Variants in ITSN1 observed in about 807,000 individuals in gnomAD.
ITSN1 encodes intersectin-1.
ITSN1 carries 58 observed loss-of-function variants against 239.8 expected under a neutral mutation model. The ratio of observed to expected loss-of-function variants is 0.24; its 90% CI spans 0.20 to 0.30. ITSN1 has a LOEUF of 0.30. ITSN1 is among the 10% of genes least tolerant of loss of function. The probability of loss-of-function intolerance (pLI) is 1.00; values close to 1 mark genes in which losing one functional copy is unlikely to be tolerated. For missense variants in ITSN1, 1,558 were observed against 2,103.3 expected, an observed-to-expected ratio of 0.74 and a Z score of 5.07; for synonymous variants, 780 against 770.8, an observed-to-expected ratio of 1.01 and a Z score of -0.20.
At chr21:33,820,355 T>G (rs1455584072) in intron 24 of ITSN1, among the ~76,000 whole-genome samples, 1 of 152,252 alleles carries the variant, frequency 6.6e-6, no homozygotes, top group Non-Finnish European at 1.5e-5. Context: ...ATGGGTTTTC[T>G]GTGTAGACAT....
chr21:33,790,053 G>A (rs184585866), intron 16 of ITSN1, among the ~76,000 whole-genome samples: 1 of 152,228 alleles, frequency 6.6e-6, no homozygotes, highest in East Asian at 1.9e-4. Flanking sequence ...TGATATGCCA[G>A]TAATTTGTTA....
intron 29 of ITSN1, among the ~76,000 whole-genome samples, chr21:33,839,334 AGGGGAGGGTGGCTGCAG>A (rs773376970): frequency 9.2e-5 from 14 of 152,242 alleles, no homozygotes; most frequent in Non-Finnish European, 1.3e-4. Context: ...TGGCAGGGCC[AGGGGAGGGTGGCTGCAG>A]GGCAAGGATC....
At chr21:33,758,418 A>G (rs1038587922) in intron 8 of ITSN1, among the ~76,000 whole-genome samples, 2 of 152,190 alleles carry the variant, frequency 1.3e-5, no homozygotes, top group Non-Finnish European at 1.5e-5. Context: ...TCTGGCCTTA[A>G]TAGTGGCACT....
chr21:33,888,923 C>T lies in ITSN1; in HGVS notation c.*623C>T, dbSNP rs893064346. 1 of 152,196 alleles carries T rather than the reference C, an allele frequency of 6.6e-6. No individual in the cohort carries two copies. Among genetic ancestry groups the T allele is most frequent in the Non-Finnish European group, 1.5e-5 (1 of 68,092 alleles). The allele number at this position is 152,196 out of a possible 1,614,324, so 9.4% of individuals were successfully genotyped here. A position where few individuals can be genotyped will look rare whatever the true frequency, so the allele number is the denominator to read the frequency against. On this transcript the variant is annotated 3_prime_UTR_variant, in exon 40 of 40. Transcript: ENST00000381318. ...TTTCCAGCATGTGCACCGTTATAGC[C>T]GTTCCTTCCCCCTCTAGGCCTTGTA...
In ITSN1 at chr21:33,727,662, A is replaced by G. The variant is rs551347371; in HGVS notation, c.185+5011A>G. Among the ~76,000 whole-genome samples the G allele has an allele frequency of 3.0e-4, 45 of 150,296 alleles. 3 individuals are homozygous for G. The South Asian group carries it at 9.4e-3, about 32-fold the overall frequency. On this transcript the variant is annotated intron_variant, in intron 4 of 39. Transcript: ENST00000381318. ...CTGGACTCTTGATCCCCTCTCCTCCATCCCTCATTCCTGAGTCTTTACCAT... is the reference window on the plus strand; with the variant it reads ...CTGGACTCTTGATCCCCTCTCCTCCGTCCCTCATTCCTGAGTCTTTACCAT...
At chr21:33,885,716 C>T (rs1418863206) in intron 38 of ITSN1, among the ~76,000 whole-genome samples, 194 bp downstream of exon 38, 1 of 152,084 alleles carries the variant, frequency 6.6e-6, no homozygotes, top group African/African-American at 2.4e-5. Flanking sequence ...TACCATTCTG[C>T]TTCTCCGAGG....
chr21:33,836,766 T>C lies in ITSN1; in HGVS notation c.3661+134T>C, dbSNP rs1357855363. On this transcript the variant is annotated intron_variant, in intron 29 of 39. Transcript: ENST00000381318. ...CATTGCTGCATTCGCAGTCGTCTCT[T>C]TGAAGACCTTCTGTAATGCAAGAGT... The C allele has an allele frequency of 3.8e-6, 3 of 791,696 alleles. No homozygotes were observed. The African/African-American group carries it at 5.2e-5, about 14-fold the overall frequency. The allele number at this position is 791,696 out of a possible 1,614,324, so 49.0% of individuals were successfully genotyped here. A position where few individuals can be genotyped will look rare whatever the true frequency, so the allele number is the denominator to read the frequency against.
At chr21:33,868,082 G>C (rs1351357803) in intron 33 of ITSN1, among the ~76,000 whole-genome samples, 1 of 152,228 alleles carries the variant, frequency 6.6e-6, no homozygotes, top group East Asian at 1.9e-4. Context: ...GGTTGCCACT[G>C]CTGGCTCGGG....
chr21:33,731,029 T>A (rs2066151933), intron 4 of ITSN1, among the ~76,000 whole-genome samples: 1 of 152,184 alleles, frequency 6.6e-6, no homozygotes. Context: ...TTCTTAGAAT[T>A]TTCATTACCA....
At chr21:33,666,922 C>A (rs2146325768) in intron 1 of ITSN1, among the ~76,000 whole-genome samples, 1 of 152,320 alleles carries the variant, frequency 6.6e-6, no homozygotes, top group East Asian at 1.9e-4. Context: ...TGCCTCTCAG[C>A]CTCCCAACTG....
intron 1 of ITSN1, among the ~76,000 whole-genome samples, chr21:33,667,422 T>C (rs970828117): frequency 1.3e-5 from 2 of 152,234 alleles, no homozygotes; most frequent in African/African-American, 4.8e-5. Context: ...ACTTGTATTA[T>C]ATATTTTTGA....
intron 24 of ITSN1, among the ~76,000 whole-genome samples, chr21:33,819,754 G>A (rs557492296): frequency 1.5e-3 from 221 of 151,602 alleles, no homozygotes; most frequent in Non-Finnish European, 2.5e-3. Flanking sequence ...AGGCCGAGGC[G>A]GGTGGATCAT....
rs1985109341 is a variant in ITSN1, at chr21:33,882,618, A to C, written c.4554+163A>C. Among the ~76,000 whole-genome samples, 1 of 152,164 alleles carries C rather than the reference A, an allele frequency of 6.6e-6. No individual in the cohort carries two copies. The highest frequency in any genetic ancestry group is 6.6e-5 in the Admixed American group (1 of 15,262). On this transcript the variant is annotated intron_variant, in intron 35 of 39. Transcript: ENST00000381318. This position sits in a 1 kb window ranked among gnomAD's most constrained non-coding sequence, Gnocchi z 4.5. ...GGGTGTCCGGAGTGGAGGACGATCC[A>C]TATCCCGCCGCAGTGTCAGTGACAC...
In ITSN1 at chr21:33,652,357, C is replaced by G. The variant is rs932078435; in HGVS notation, c.-33+9644C>G. On this transcript the variant is annotated intron_variant, in intron 1 of 39. Coordinates refer to ENST00000381318, the MANE Select transcript of ITSN1 (RefSeq NM_003024.3). ...TTTTTATTGTTAACACACTGGGGTT[C>G]AAAGCATACCTGAGGGCTGGATTCA... Among the ~76,000 whole-genome samples, 4 of 152,126 alleles carry G rather than the reference C, an allele frequency of 2.6e-5. 1 individual carries two copies. The highest frequency in any genetic ancestry group is 7.3e-5 in the African/African-American group (3 of 41,374).
At chr21:33,667,550 T>C (rs976951765) in intron 1 of ITSN1, among the ~76,000 whole-genome samples, 3 of 152,202 alleles carry the variant, frequency 2.0e-5, no homozygotes, top group African/African-American at 7.2e-5. Flanking sequence ...TGGGATGCGG[T>C]AGGTTTCTGG....
chr21:33,797,530 C>A lies in ITSN1; in HGVS notation c.2104C>A (p.Gln702Lys), dbSNP rs1322102424. Residue 702 changes from glutamine (Q) to lysine (K), a missense_variant, in exon 18 of 40, where the codon CAA (glutamine) becomes AAA (lysine). Around this residue, in one of 2 missense-constraint regions of ITSN1, gnomAD observed 982 missense variants for 1,209.9 expected, o/e 0.81. Coordinates refer to ENST00000381318, the MANE Select transcript of ITSN1 (RefSeq NM_003024.3). The surrounding 1 kb of genome is among the most constrained non-coding windows in gnomAD (Gnocchi z 4.9). ...DGEEKGKQEA[Q>K]DKLGRLFHQH... Reference sequence around the variant, plus strand: ...CGAGGAAAAAGGCAAACAGGAAGCACAAGACAAGCTGGGTCGGCTTTTCCA... The same window carrying A: ...CGAGGAAAAAGGCAAACAGGAAGCAAAAGACAAGCTGGGTCGGCTTTTCCA... 1 of 1,613,984 alleles carries A rather than the reference C, an allele frequency of 6.2e-7. No homozygotes were observed. Among genetic ancestry groups the A allele is most frequent in the African/African-American group, 1.3e-5 (1 of 74,882 alleles).
At chr21:33,874,239 C>G (rs1983285532) in intron 33 of ITSN1, among the ~76,000 whole-genome samples, 1 of 150,500 alleles carries the variant, frequency 6.6e-6, no homozygotes, top group Non-Finnish European at 1.5e-5. Flanking sequence ...GATTTAAATT[C>G]AGGAGGTCCA....
chr21:33,736,057 T>C (rs1446104437), intron 5 of ITSN1, among the ~76,000 whole-genome samples: 1 of 152,060 alleles, frequency 6.6e-6, no homozygotes, highest in Non-Finnish European at 1.5e-5. Flanking sequence ...ATAAGCTAAT[T>C]GATTAATTAG....
rs750087030 is a variant in ITSN1, at chr21:33,772,163, G to T, written c.1145G>T (p.Arg382Leu). Residue 382 changes from arginine (R) to leucine (L), a missense_variant, in exon 12 of 40, where the codon CGC becomes CTC. Physicochemically the swap from Arg to Leu is moderately radical, Grantham distance 102. Transcript: ENST00000381318. Reference protein sequence around the residue: ...LLEQQRKEQERLAQLERAEQE... With the variant: ...LLEQQRKEQELLAQLERAEQE... ...GAACAGCAGCGCAAGGAGCAGGAGCGCCTGGCCCAGCTGGAGCGGGCGGAG... is the reference window on the plus strand; with the variant it reads ...GAACAGCAGCGCAAGGAGCAGGAGCTCCTGGCCCAGCTGGAGCGGGCGGAG... 2 of 1,614,200 alleles carry T rather than the reference G, an allele frequency of 1.2e-6. No homozygotes were observed. Among genetic ancestry groups the T allele is most frequent in the Non-Finnish European group, 1.7e-6 (2 of 1,180,028 alleles).
Sources: gnomAD v4.1 joint callset for allele counts (sites outside exome capture counted in the v4.1 genomes callset) on GRCh38, gnomAD v4.1.1 for gene constraint, gnomAD v4.1.1 regional missense constraint, Gnocchi (gnomAD v3.1) non-coding constraint, MANE v1.5 for transcripts, NCBI Gene and HGNC (gene_info 2026-07-23, HGNC 2026-07-21) for gene names.